RAB38: variants seen among roughly 807,000 people sequenced by gnomAD.
The protein encoded by RAB38 is RAB38, member RAS oncogene family.
In RAB38, 15 loss-of-function variants were observed where a neutral mutation model predicts 18.4. That is an observed-to-expected ratio of 0.82 (90% CI 0.55 to 1.26). RAB38 has a LOEUF of 1.26. Among genes scored for constraint, RAB38 ranks in the 50% most tolerant of loss-of-function variants. The pLI is 0.00. For missense variants in RAB38, 294 were observed against 267.4 expected (o/e 1.10, Z -0.69); for synonymous variants, 101 against 104.4 (o/e 0.97, Z 0.20).
At chr11:88,016,070 C>T in the RAB38 span, among the ~76,000 whole-genome samples, 3 of 152,172 alleles carry the variant, frequency 2.0e-5, no homozygotes, top group Admixed American at 6.6e-5. Context: ...GCTTTGATTT[C>T]TGCACCTGAG....
intron 2 of RAB38, among the ~76,000 whole-genome samples, chr11:88,121,028 A>G (rs1049591446): frequency 1.3e-5 from 2 of 152,216 alleles, no homozygotes; most frequent in Non-Finnish European, 2.9e-5. Flanking sequence ...CACAGGGAAT[A>G]TGCTATTATA....
chr11:88,023,065 T>G, the RAB38 span, among the ~76,000 whole-genome samples: 3 of 152,020 alleles, frequency 2.0e-5, no homozygotes, highest in Non-Finnish European at 4.4e-5. Context: ...GCTTAATAAC[T>G]GAGTGTGACA....
At chr11:87,950,105 T>G in the RAB38 span, among the ~76,000 whole-genome samples, 1 of 152,038 alleles carries the variant, frequency 6.6e-6, no homozygotes, top group African/African-American at 2.4e-5. Context: ...TTAGGATAGT[T>G]ACCTCTTCTT....
chr11:87,934,554 T>C, the RAB38 span, among the ~76,000 whole-genome samples: 3 of 152,110 alleles, frequency 2.0e-5, no homozygotes, highest in African/African-American at 7.2e-5. Context: ...TAAAAGGCTA[T>C]TGATTTGAGG....
chr11:88,055,115 C>G, the RAB38 span, among the ~76,000 whole-genome samples: 1 of 152,094 alleles, frequency 6.6e-6, no homozygotes, highest in African/African-American at 2.4e-5. Flanking sequence ...CATGTGACTG[C>G]AGTACCAGCT....
At chr11:87,850,630 C>T in the RAB38 span, among the ~76,000 whole-genome samples, 1 of 151,590 alleles carries the variant, frequency 6.6e-6, no homozygotes, top group Non-Finnish European at 1.5e-5. Context: ...ATATCTATAC[C>T]TTCTTCGTCT....
the RAB38 span, among the ~76,000 whole-genome samples, chr11:87,971,665 GC>G: frequency 6.6e-6 from 1 of 152,144 alleles, no homozygotes; most frequent in Non-Finnish European, 1.5e-5. Context: ...GGCAAGAGAT[GC>G]TGATGCTAGA....
the RAB38 span, among the ~76,000 whole-genome samples, chr11:88,025,499 C>A: frequency 6.6e-6 from 1 of 152,186 alleles, no homozygotes; most frequent in Non-Finnish European, 1.5e-5. Flanking sequence ...TTTTCACCAA[C>A]AGTGTATGTG....
chr11:88,143,565 A>G (rs980053444), intron 2 of RAB38, among the ~76,000 whole-genome samples: 2 of 152,238 alleles, frequency 1.3e-5, no homozygotes, highest in African/African-American at 4.8e-5. Flanking sequence ...TAAATCATTA[A>G]GAAGTAGAAC....
chr11:88,148,406 T>C (rs1165291089), intron 2 of RAB38, among the ~76,000 whole-genome samples: 1 of 152,242 alleles, frequency 6.6e-6, no homozygotes, highest in Non-Finnish European at 1.5e-5. Flanking sequence ...ATCCAGGTTT[T>C]CTTTCCTATC....
the RAB38 span, among the ~76,000 whole-genome samples, chr11:87,846,756 A>G: frequency 1.3e-5 from 2 of 152,106 alleles, no homozygotes; most frequent in Non-Finnish European, 2.9e-5. Context: ...TCTCAAGTAC[A>G]TGAAATACAT....
chr11:87,939,784 C>G, the RAB38 span, among the ~76,000 whole-genome samples: 1 of 151,990 alleles, frequency 6.6e-6, no homozygotes, highest in East Asian at 1.9e-4. Context: ...CCCAGCTACT[C>G]AGGAGGCTGA....
the RAB38 span, among the ~76,000 whole-genome samples, chr11:87,891,613 A>T: frequency 6.6e-6 from 1 of 151,860 alleles, no homozygotes; most frequent in Admixed American, 6.6e-5. Flanking sequence ...ATGAGTTCGA[A>T]ACATTTTTCT....
At chr11:87,976,184 G>A in the RAB38 span, among the ~76,000 whole-genome samples, 2 of 144,876 alleles carry the variant, frequency 1.4e-5, no homozygotes, top group East Asian at 2.0e-4. Context: ...GTATATATAG[G>A]TATATTTATA....
chr11:87,836,824 T>G, the RAB38 span, among the ~76,000 whole-genome samples: 1 of 152,204 alleles, frequency 6.6e-6, no homozygotes, highest in Non-Finnish European at 1.5e-5. Flanking sequence ...ACATTAAATT[T>G]CTTTTTGTAC....
chr11:88,033,415 T>C, the RAB38 span, among the ~76,000 whole-genome samples: 37 of 152,040 alleles, frequency 2.4e-4, no homozygotes, highest in Non-Finnish European at 4.9e-4. Flanking sequence ...AAGTATTTGA[T>C]TAACATGGTG....
chr11:88,093,004 T>C, the RAB38 span, among the ~76,000 whole-genome samples: 3 of 151,942 alleles, frequency 2.0e-5, no homozygotes, highest in East Asian at 1.9e-4. Context: ...ATGCCTGCTC[T>C]AGGGCTTCAT....
chr11:87,912,776 T>TTTC, the RAB38 span, among the ~76,000 whole-genome samples: 2 of 148,214 alleles, frequency 1.3e-5, no homozygotes, highest in South Asian at 4.2e-4. Context: ...CTTTTTTTTT[T>TTTC]TTTTTAGTTC....
At chr11:87,901,694 A>C in the RAB38 span, among the ~76,000 whole-genome samples, 1 of 151,616 alleles carries the variant, frequency 6.6e-6, no homozygotes, top group Non-Finnish European at 1.5e-5. Context: ...TAAGCAGTAC[A>C]TTATTCCAGA....
Sources: allele counts gnomAD v4.1 joint callset (sites outside exome capture counted in the v4.1 genomes callset), GRCh38; gene constraint gnomAD v4.1.1; transcripts MANE v1.5; gene names NCBI Gene and HGNC (gene_info 2026-07-23, HGNC 2026-07-21).